The following PXDNL variants were observed in gnomAD, a reference collection of about 807,000 sequenced individuals.
PXDNL encodes probable oxidoreductase PXDNL.
A neutral mutation model predicts 150.8 loss-of-function variants in PXDNL; 145 were observed. The observed-to-expected ratio is 0.96, with a 90% CI of 0.84 to 1.10. The LOEUF is 1.10. PXDNL is among the 50% of genes least tolerant of loss of function. The pLI, the probability that PXDNL is intolerant of heterozygous loss-of-function variation, is 0.00. For missense variants in PXDNL, 2,087 were observed against 1,873.9 expected, an observed-to-expected ratio of 1.11 and a Z score of -2.10; for synonymous variants, 757 against 725.7, an observed-to-expected ratio of 1.04 and a Z score of -0.69.
At chr8:51,625,599 G>A (rs994735847) in intron 2 of PXDNL, among the ~76,000 whole-genome samples, 2 of 152,178 alleles carry the variant, frequency 1.3e-5, no homozygotes, top group African/African-American at 4.8e-5. Context: ...CCATGGTCTG[G>A]AGGGATAGCA....
intron 1 of PXDNL, among the ~76,000 whole-genome samples, chr8:51,757,531 T>TA (rs1585726728): frequency 6.6e-6 from 1 of 152,198 alleles, no homozygotes; most frequent in Non-Finnish European, 1.5e-5. Flanking sequence ...CTTTGCTTAG[T>TA]AAAAAATATA....
intron 1 of PXDNL, among the ~76,000 whole-genome samples, chr8:51,744,832 A>G (rs375952363): frequency 3.6e-4 from 54 of 150,522 alleles, no homozygotes; most frequent in African/African-American, 1.3e-3. Context: ...GGACAGACAG[A>G]AAGAAAAGGA....
chr8:51,677,068 T>C (rs1247663578), intron 1 of PXDNL, among the ~76,000 whole-genome samples: 2 of 152,208 alleles, frequency 1.3e-5, no homozygotes, highest in African/African-American at 4.8e-5. Context: ...ACAGGATTGT[T>C]TACTTGAAGC....
At chr8:51,427,807 C>T (rs537694844) in intron 12 of PXDNL, among the ~76,000 whole-genome samples, 34 of 152,278 alleles carry the variant, frequency 2.2e-4, no homozygotes, top group Admixed American at 4.6e-4. Context: ...ATACTTTTCA[C>T]ATAGAAAATA....
At chr8:51,321,885 T>A (rs1388290101) in intron 21 of PXDNL, among the ~76,000 whole-genome samples, 1 of 152,182 alleles carries the variant, frequency 6.6e-6, no homozygotes, top group Non-Finnish European at 1.5e-5. Context: ...CTGAACTGTG[T>A]TCCCCCAAAA....
intron 4 of PXDNL, among the ~76,000 whole-genome samples, chr8:51,502,822 G>C (rs763014959): frequency 6.6e-6 from 1 of 152,108 alleles, no homozygotes; most frequent in Non-Finnish European, 1.5e-5. Flanking sequence ...TGCATTGCTA[G>C]AAGTAGAAAG....
chr8:51,481,127 G>A (rs1259835278), intron 6 of PXDNL, among the ~76,000 whole-genome samples: 1 of 152,182 alleles, frequency 6.6e-6, no homozygotes, highest in Non-Finnish European at 1.5e-5. Context: ...TCAGAAGACA[G>A]GCAGATGTGG....
At chr8:51,731,892 AT>A (rs924128863) in intron 1 of PXDNL, among the ~76,000 whole-genome samples, 2 of 151,788 alleles carry the variant, frequency 1.3e-5, no homozygotes, top group East Asian at 1.9e-4. Context: ...GCCCGGAACC[AT>A]TTTTTTTCCT....
At chr8:51,489,023 G>A (rs947860189) in intron 5 of PXDNL, among the ~76,000 whole-genome samples, 1 of 152,134 alleles carries the variant, frequency 6.6e-6, no homozygotes, top group Non-Finnish European at 1.5e-5. Flanking sequence ...ATTAAAAAAT[G>A]TTTTTATGTA....
intron 9 of PXDNL, among the ~76,000 whole-genome samples, chr8:51,456,274 C>T (rs768468163): frequency 1.3e-5 from 2 of 152,208 alleles, no homozygotes; most frequent in Non-Finnish European, 2.9e-5. Context: ...CCTCTGTATG[C>T]TCCAGGATCT....
intron 3 of PXDNL, 107 bp from the exon 4 acceptor site, chr8:51,557,018 G>A: frequency 1.6e-6 from 1 of 634,378 alleles, no homozygotes; most frequent in East Asian, 2.8e-5. Flanking sequence ...AGCTTTGTGG[G>A]ATGTCCATAG....
intron 10 of PXDNL, among the ~76,000 whole-genome samples, chr8:51,450,632 A>T (rs1340264175): frequency 6.6e-6 from 1 of 152,220 alleles, no homozygotes; most frequent in Non-Finnish European, 1.5e-5. Flanking sequence ...GTCTTCATCC[A>T]TTCTAAGTAA....
At chr8:51,328,208 G>A (rs1344998939) in intron 21 of PXDNL, among the ~76,000 whole-genome samples, 1 of 152,226 alleles carries the variant, frequency 6.6e-6, no homozygotes, top group African/African-American at 2.4e-5. Flanking sequence ...GTCAGGCCAA[G>A]ATTTTGGACT....
intron 4 of PXDNL, among the ~76,000 whole-genome samples, chr8:51,552,793 A>G (rs1414198859): frequency 6.6e-6 from 1 of 152,236 alleles, no homozygotes; most frequent in Non-Finnish European, 1.5e-5. Flanking sequence ...TATTCATGTA[A>G]CCAAACGCCA....
At chr8:51,349,172 T>G (rs7460590) in intron 19 of PXDNL, among the ~76,000 whole-genome samples, 12,961 of 34,528 alleles carry the variant, frequency 0.38, 1,481 homozygotes, top group African/African-American at 0.44. Context: ...GGTGTGTGTG[T>G]GGGGGTGTGT....
chr8:51,431,014 C>A (rs200587127), intron 12 of PXDNL, among the ~76,000 whole-genome samples: 1 of 152,190 alleles, frequency 6.6e-6, no homozygotes, highest in African/African-American at 2.4e-5. Flanking sequence ...ACAAAGAAAA[C>A]AGAAGCCATC....
rs533930292 is a variant in PXDNL at position 51,486,023 on chromosome 8, G to C, written c.453-2309C>G. 2.0e-5 allele frequency among the ~76,000 whole-genome samples: 3 copies of C among 152,226 alleles called. No homozygotes were observed. The South Asian group carries it at 6.2e-4, about 32-fold the overall frequency. On this transcript the variant is annotated intron_variant, in intron 5 of 22. Coordinates refer to ENST00000356297, the MANE Select transcript of PXDNL (RefSeq NM_144651.5). ...ATTTATGCCTGCTTTATTTTTGCTAGGTAAAATGAAAGCTTTCTTCATTAT... is the reference window on the plus strand; with the variant it reads ...ATTTATGCCTGCTTTATTTTTGCTACGTAAAATGAAAGCTTTCTTCATTAT...
At chr8:51,633,309 A>T (rs922671972) in intron 2 of PXDNL, among the ~76,000 whole-genome samples, 1 of 152,030 alleles carries the variant, frequency 6.6e-6, no homozygotes, top group Non-Finnish European at 1.5e-5. Flanking sequence ...GTTGATAGGC[A>T]CCTAGGTTGA....
Position 51,408,367 on chromosome 8 carries a change from A to G in PXDNL, c.3257T>C (p.Phe1086Ser). 6.2e-7 allele frequency: 1 copy of G among 1,614,052 alleles called. No individual in the cohort carries two copies. Among genetic ancestry groups the G allele is most frequent in the Non-Finnish European group, 8.5e-7 (1 of 1,179,902 alleles). ...TTCCTTGATTATTCTGGACGGTGAA[A>G]AGAGCGCTTTATGGAACGGAAGGTG... is the stretch of plus-strand genomic sequence containing the variant. ...EGHLPFHKAL[F>S]SPSRIIKEGG... Residue 1086 changes from phenylalanine (F) to serine (S), a missense_variant, in exon 17 of 23, where the codon TTT becomes TCT. Phe to Ser is a radical substitution (Grantham distance 155). Coordinates refer to ENST00000356297, the MANE Select transcript of PXDNL (RefSeq NM_144651.5).
Sources: allele counts gnomAD v4.1 joint callset (sites outside exome capture counted in the v4.1 genomes callset), GRCh38; gene constraint gnomAD v4.1.1; transcripts MANE v1.5; gene names NCBI Gene and HGNC (gene_info 2026-07-23, HGNC 2026-07-21).